The following EFCAB6 variants were observed in gnomAD, a reference collection of about 807,000 sequenced individuals.
EFCAB6 encodes EF-hand calcium binding domain 6, also known as EF-hand calcium-binding domain-containing protein 6.
A neutral mutation model predicts 169.8 loss-of-function variants in EFCAB6; 156 were observed. The ratio of observed to expected loss-of-function variants is 0.92; its 90% confidence interval spans 0.81 to 1.05. The LOEUF (loss-of-function observed/expected upper bound fraction) is 1.05, where lower values mean the gene tolerates loss of function less well. Ranked by LOEUF, EFCAB6 falls within the 50% of genes least tolerant of loss-of-function variation. The probability of loss-of-function intolerance (pLI) is 0.00; values close to 1 mark genes in which losing one functional copy is unlikely to be tolerated. For synonymous variants in EFCAB6, 698 were observed against 676.4 expected (o/e 1.03, Z -0.50); for missense variants, 1,800 against 1,829.1 (o/e 0.98, Z 0.29).
chr22:43,711,092 TG>T (rs1243457055), intron 10 of EFCAB6, among the ~76,000 whole-genome samples: 4 of 152,194 alleles, frequency 2.6e-5, no homozygotes, highest in Non-Finnish European at 5.9e-5. Flanking sequence ...CAGTTAGATT[TG>T]AACCTTGACT....
intron 2 of EFCAB6, among the ~76,000 whole-genome samples, chr22:43,806,810 T>C (rs2062939334): frequency 6.6e-6 from 1 of 152,196 alleles, no homozygotes; most frequent in Admixed American, 6.5e-5. Flanking sequence ...CCTATTGTCC[T>C]TAAACAAAAT....
At chr22:43,772,785 G>T in intron 4 of EFCAB6, 107 bp downstream of exon 4, 2 of 1,212,438 alleles carry the variant, frequency 1.6e-6, no homozygotes, top group African/African-American at 1.5e-5. Context: ...AACTTCAACT[G>T]CTCAGTGGCA....
intron 29 of EFCAB6, 191 bp from the exon 30 acceptor site, chr22:43,535,063 G>C: frequency 1.6e-6 from 1 of 606,834 alleles, no homozygotes; most frequent in Non-Finnish European, 2.8e-6. Context: ...CCGCAGGGAG[G>C]GGGACCCTGA....
At position 43,600,249 on chromosome 22, in the gene EFCAB6, C is replaced by A; in HGVS notation, c.2696G>T (p.Gly899Val). The A allele has an allele frequency of 1.2e-6, 2 of 1,614,038 alleles. No individual in the cohort carries two copies. The highest frequency in any genetic ancestry group is 1.7e-6 in the Non-Finnish European group (2 of 1,180,002). Residue 899 changes from glycine (G) to valine (V), a missense_variant, in exon 23 of 32, where the codon GGA becomes GTA. Coordinates refer to ENST00000262726, the MANE Select transcript of EFCAB6 (RefSeq NM_022785.4). ...EKLWARYDTE[G>V]KGHITYQEFL... The stretch of plus-strand genomic sequence containing the variant: ...TTCCTGGTAAGTAATGTGCCCTTTT[C>A]CCTCGGTGTCGTATCTTAAAACAAA...
chr22:43,629,525 T>C (rs1427338302), intron 19 of EFCAB6, among the ~76,000 whole-genome samples: 1 of 152,198 alleles, frequency 6.6e-6, no homozygotes, highest in Non-Finnish European at 1.5e-5. Context: ...TCATGTGCAT[T>C]GTGGCAGGCA....
chr22:43,556,913 A>G (rs2048740283), intron 26 of EFCAB6, among the ~76,000 whole-genome samples: 1 of 152,230 alleles, frequency 6.6e-6, no homozygotes, highest in Non-Finnish European at 1.5e-5. Flanking sequence ...TAGGATTCAA[A>G]CAGTTGCAAA....
rs561220541 is a variant in EFCAB6, at chr22:43,620,328, AAAAAG to A, written c.2466-4411_2466-4407del. On this transcript the variant is annotated intron_variant, in intron 20 of 31. Transcript: ENST00000262726. ...CTAGTTAAAAAAAGAAAAGAAAAGA[AAAAAG>A]AAAAGAAAAGAAAAGAAGCCTGGGA... 1.3e-3 allele frequency among the ~76,000 whole-genome samples: 192 copies of A among 151,934 alleles called. 1 individual carries two copies. The highest frequency in any genetic ancestry group is 6.2e-3 in the South Asian group (30 of 4,816).
chr22:43,683,483 A>G (rs1053401312), intron 12 of EFCAB6, among the ~76,000 whole-genome samples: 1 of 152,220 alleles, frequency 6.6e-6, no homozygotes, highest in Non-Finnish European at 1.5e-5. Context: ...ACCTTGCCAC[A>G]CATTGTTCCC....
chr22:43,784,882 A>G (rs1352072969), intron 2 of EFCAB6, among the ~76,000 whole-genome samples: 1 of 150,898 alleles, frequency 6.6e-6, no homozygotes, highest in Non-Finnish European at 1.5e-5. Context: ...TCTCTAAATA[A>G]ATTTTTTTTA....
intron 18 of EFCAB6, 38 bp downstream of exon 18, chr22:43,635,064 G>T (rs1373216706): frequency 6.4e-7 from 1 of 1,550,762 alleles, no homozygotes; most frequent in Non-Finnish European, 8.9e-7. Flanking sequence ...TGTCACCCAG[G>T]ACGCATCCCA....
chr22:43,636,785 T>C (rs2055434793), intron 17 of EFCAB6, among the ~76,000 whole-genome samples: 1 of 151,776 alleles, frequency 6.6e-6, no homozygotes, highest in South Asian at 2.1e-4. Context: ...TAATTTTTTG[T>C]ATTTTTAGTA....
intron 31 of EFCAB6, among the ~76,000 whole-genome samples, chr22:43,529,558 A>G (rs1234546057): frequency 6.6e-6 from 1 of 152,208 alleles, no homozygotes; most frequent in Non-Finnish European, 1.5e-5. Flanking sequence ...TTCTGGCCTG[A>G]GAAGCTAAGT....
chr22:43,776,283 T>A (rs1409237437), intron 3 of EFCAB6, among the ~76,000 whole-genome samples: 3 of 152,188 alleles, frequency 2.0e-5, no homozygotes. Context: ...GGAAGTGGAA[T>A]TGATTCATTC....
At chr22:43,809,548 G>A (rs1341622844) in intron 1 of EFCAB6, among the ~76,000 whole-genome samples, 1 of 152,150 alleles carries the variant, frequency 6.6e-6, no homozygotes, top group Non-Finnish European at 1.5e-5. Context: ...TATCAGCTTT[G>A]TTAAGTCCCT....
intron 21 of EFCAB6, among the ~76,000 whole-genome samples, chr22:43,608,812 G>C (rs544557114): frequency 2.0e-5 from 3 of 152,166 alleles, no homozygotes; most frequent in African/African-American, 7.2e-5. Context: ...GGGTCGGAAG[G>C]GGGTGGTTTC....
At position 43,667,232 on chromosome 22, in the gene EFCAB6, T is replaced by C. The variant is rs1349461801; in HGVS notation, c.1855A>G (p.Met619Val). ...TEDKTTLTKK[M>V]TTEEVIEKFK... ...TTTTCAATCACTTCTTCTGTGGTCA[T>C]CTTCTTGGTCAGGGTGGTTTTATCC... is the stretch of plus-strand genomic sequence containing the variant. Residue 619 changes from methionine to valine, a missense_variant, in exon 17 of 32, where the codon ATG (methionine) becomes GTG (valine). By Grantham distance (21) the Met-to-Val change is conservative. Coordinates refer to ENST00000262726, the MANE Select transcript of EFCAB6 (RefSeq NM_022785.4). 1.9e-6 allele frequency: 3 copies of C among 1,614,158 alleles called. No homozygotes were observed. Among genetic ancestry groups the C allele is most frequent in the African/African-American group, 1.3e-5 (1 of 75,056 alleles).
intron 17 of EFCAB6, among the ~76,000 whole-genome samples, chr22:43,655,077 G>A (rs892129829): frequency 6.6e-6 from 1 of 152,128 alleles, no homozygotes; most frequent in Non-Finnish European, 1.5e-5. Flanking sequence ...GGCCAACATA[G>A]TGAAACCCCA....
At chr22:43,803,211 A>C (rs2062793956) in intron 2 of EFCAB6, among the ~76,000 whole-genome samples, 1 of 152,136 alleles carries the variant, frequency 6.6e-6, no homozygotes, top group Non-Finnish European at 1.5e-5. Context: ...TTCCAGTGAA[A>C]CCACTGAGAT....
chr22:43,566,546 T>C lies in EFCAB6; in HGVS notation c.3420+9751A>G, dbSNP rs1259691667. Among the ~76,000 whole-genome samples the C allele has an allele frequency of 2.0e-5, 3 of 152,188 alleles. No individual in the cohort carries two copies. In the South Asian group the frequency reaches 6.2e-4, roughly 32 times the overall value. Reference sequence around the variant, plus strand: ...TCACCCTGAGAGGCAGCCGTGGCTCTCCCTGCTGTATAGACAAAGTAAGTG... The same window carrying C: ...TCACCCTGAGAGGCAGCCGTGGCTCCCCCTGCTGTATAGACAAAGTAAGTG... On this transcript the variant is annotated intron_variant, in intron 26 of 31. Coordinates refer to ENST00000262726, the MANE Select transcript of EFCAB6 (RefSeq NM_022785.4).
Sources: gnomAD v4.1 joint callset for allele counts (sites outside exome capture counted in the v4.1 genomes callset) on GRCh38, gnomAD v4.1.1 for gene constraint, MANE v1.5 for transcripts, NCBI Gene and HGNC (gene_info 2026-07-23, HGNC 2026-07-21) for gene names.